DENND1A: variants seen among roughly 807,000 people sequenced by gnomAD.
The protein encoded by DENND1A is DENN domain-containing protein 1A.
A neutral mutation model predicts 113.7 loss-of-function variants in DENND1A; 51 were observed. The ratio of observed to expected loss-of-function variants is 0.45; its 90% CI spans 0.36 to 0.57. The LOEUF is 0.57. Ranked by LOEUF, DENND1A falls within the 20% of genes least tolerant of loss-of-function variation. The probability of loss-of-function intolerance (pLI) is 0.00; values close to 1 mark genes in which losing one functional copy is unlikely to be tolerated. For missense variants in DENND1A, 1,258 were observed against 1,395.9 expected, an observed-to-expected ratio of 0.90 and a Z score of 1.57; for synonymous variants, 565 against 570.8, an observed-to-expected ratio of 0.99 and a Z score of 0.14.
At chr9:123,681,599 G>A (rs965296028) in intron 5 of DENND1A, among the ~76,000 whole-genome samples, 1 of 152,154 alleles carries the variant, frequency 6.6e-6, no homozygotes. Context: ...TACAAATCCA[G>A]TTAGGGAAAG....
Position 123,381,786 on chromosome 9 carries a change from C to G in DENND1A, c.2859G>C (p.Met953Ile), listed in dbSNP as rs1221784601. 1.1e-5 allele frequency: 17 copies of G among 1,517,524 alleles called. No individual in the cohort carries two copies. Among genetic ancestry groups the G allele is most frequent in the African/African-American group, 1.4e-5 (1 of 71,716 alleles). 94.0% of individuals were successfully genotyped at this position (1,517,524 alleles called of 1,614,324 possible). Residue 953 changes from methionine (M) to isoleucine (I), a missense_variant, in exon 24 of 24, where the codon ATG (methionine) becomes ATC (isoleucine). This residue lies in a region of DENND1A where 1,159 missense variants were observed against 1,231.7 expected (regional missense o/e 0.94). Transcript: ENST00000394215. The surrounding 1 kb of genome is among the most constrained non-coding windows in gnomAD (Gnocchi z 4.7). ...TGGGCATCTGGCCAAAGAGGTTGGG[C>G]ATGGAGAGGGCGGAGAGGTTGGGCT... is the stretch of plus-strand genomic sequence containing the variant. Reference protein sequence around the residue: ...RSQPNLSALSMPNLFGQMPMG... With the variant: ...RSQPNLSALSIPNLFGQMPMG...
intron 5 of DENND1A, among the ~76,000 whole-genome samples, chr9:123,715,972 G>A (rs1446797156): frequency 6.6e-6 from 1 of 152,094 alleles, no homozygotes; most frequent in African/African-American, 2.4e-5. Flanking sequence ...CACCACACCC[G>A]GGTAGGCACT....
At chr9:123,463,563 T>C (rs867666428) in intron 13 of DENND1A, among the ~76,000 whole-genome samples, 12 of 152,210 alleles carry the variant, frequency 7.9e-5, no homozygotes, top group Non-Finnish European at 8.8e-5. Context: ...GAGATTCTTA[T>C]GAGAAATGGA....
At chr9:123,488,890 G>A in intron 13 of DENND1A, among the ~76,000 whole-genome samples, 1 of 152,186 alleles carries the variant, frequency 6.6e-6, no homozygotes, top group East Asian at 1.9e-4. Flanking sequence ...GGCCTGCCGA[G>A]CCACCCGGGA....
chr9:123,402,812 A>G (rs2043599217), intron 21 of DENND1A, among the ~76,000 whole-genome samples: 2 of 152,134 alleles, frequency 1.3e-5, no homozygotes, highest in Non-Finnish European at 2.9e-5. Context: ...TGCCCCCCTC[A>G]TTCACTTCAT....
chr9:123,911,662 C>T (rs12348266), intron 1 of DENND1A, among the ~76,000 whole-genome samples: 1 of 151,938 alleles, frequency 6.6e-6, no homozygotes, highest in Non-Finnish European at 1.5e-5. Context: ...GGCAAAATTG[C>T]TACAGTGACA....
At position 123,655,824 on chromosome 9, in the gene DENND1A, T is replaced by C. The variant is rs78246012; in HGVS notation, c.508-3701A>G. Among the ~76,000 whole-genome samples the C allele has an allele frequency of 3.6e-3, 554 of 152,322 alleles. 2 individuals are homozygous for C. The highest frequency in any genetic ancestry group is 5.5e-3 in the Non-Finnish European group (373 of 68,032). The stretch of plus-strand genomic sequence containing the variant: ...CAAGATAAGCCACTCTCCCAGCACT[T>C]TGCTTCTCCTGCAGACTAAATCCTC... On this transcript the variant is annotated intron_variant, in intron 8 of 23. Transcript: ENST00000394215.
chr9:123,712,000 G>A (rs2066668688), intron 5 of DENND1A, among the ~76,000 whole-genome samples: 1 of 152,280 alleles, frequency 6.6e-6, no homozygotes, highest in Non-Finnish European at 1.5e-5. Context: ...CTGATGCATG[G>A]AAATGCCTTA....
Position 123,454,778 on chromosome 9 carries a change from G to C in DENND1A, c.1188C>G (p.Gly396=). Reference sequence around the variant, plus strand: ...GCCACTGATGGTACAGTTTGTCACTGCCTGGGGAAAGAGAATTCAGAGAAG... The same window carrying C: ...GCCACTGATGGTACAGTTTGTCACTCCCTGGGGAAAGAGAATTCAGAGAAG... ...EEEINMGEYA[G]SDKLYHQWLS... is the part of the protein sequence containing the mutation. The change falls in exon 16 of 24, where the codon GGC becomes GGG. Residue 396 remains glycine, a splice_region_variant and synonymous_variant. Coordinates refer to ENST00000394215, the MANE Select transcript of DENND1A (RefSeq NM_001352964.2). 1 of 1,555,130 alleles carries C rather than the reference G, an allele frequency of 6.4e-7. No individual in the cohort carries two copies. Among genetic ancestry groups the C allele is most frequent in the South Asian group, 1.2e-5 (1 of 84,268 alleles).
chr9:123,421,239 G>A (rs777979752), intron 19 of DENND1A, among the ~76,000 whole-genome samples: 135 of 151,186 alleles, frequency 8.9e-4, no homozygotes, highest in Non-Finnish European at 1.1e-3. Context: ...ATCTACATGC[G>A]AGGTCTCTAT....
At chr9:123,847,387 A>C (rs1353245232) in intron 2 of DENND1A, among the ~76,000 whole-genome samples, 1 of 152,228 alleles carries the variant, frequency 6.6e-6, no homozygotes, top group African/African-American at 2.4e-5. Flanking sequence ...ATATATAAGA[A>C]GAAAACTCCA....
intron 2 of DENND1A, among the ~76,000 whole-genome samples, chr9:123,818,266 G>A (rs543726828): frequency 2.6e-5 from 4 of 151,388 alleles, no homozygotes; most frequent in Admixed American, 6.6e-5. Context: ...CACCACACCC[G>A]GCTAATTTTT....
intron 13 of DENND1A, among the ~76,000 whole-genome samples, chr9:123,522,612 T>G (rs1033082662): frequency 6.6e-6 from 1 of 152,190 alleles, no homozygotes; most frequent in African/African-American, 2.4e-5. Context: ...CCAATCAATG[T>G]CCATACTTCA....
At chr9:123,641,371 G>C (rs1223591481) in intron 9 of DENND1A, among the ~76,000 whole-genome samples, 5 of 148,846 alleles carry the variant, frequency 3.4e-5, no homozygotes, top group Non-Finnish European at 7.4e-5. Flanking sequence ...TTCATGACTT[G>C]ACCGCATTAC....
intron 1 of DENND1A, among the ~76,000 whole-genome samples, chr9:123,918,018 G>T (rs1343665835): frequency 1.3e-5 from 2 of 151,542 alleles, no homozygotes; most frequent in Non-Finnish European, 2.9e-5. Flanking sequence ...GAAGCCTGAG[G>T]CAGGAGAATA....
chr9:123,803,152 C>T (rs1834982398), intron 2 of DENND1A, among the ~76,000 whole-genome samples: 1 of 152,126 alleles, frequency 6.6e-6, no homozygotes, highest in South Asian at 2.1e-4. Context: ...TTGTTAAATC[C>T]AACTACCCGC....
intron 11 of DENND1A, among the ~76,000 whole-genome samples, chr9:123,606,954 T>C (rs1480224608): frequency 6.6e-6 from 1 of 151,946 alleles, no homozygotes; most frequent in East Asian, 1.9e-4. Flanking sequence ...ATGCAGAGGG[T>C]TGGGAATGTG....
In DENND1A at chr9:123,482,023, C is replaced by T. The variant is rs556062180; in HGVS notation, c.994-24126G>A. 1.2e-3 allele frequency among the ~76,000 whole-genome samples: 180 copies of T among 151,108 alleles called. 1 individual carries two copies. The highest frequency in any genetic ancestry group is 3.6e-3 in the South Asian group (17 of 4,784). ...TTGGCCATGTTGGTCAGGCTGGTCTCGAACTCCTGGCACCAAGTGATCCAC... is the reference window on the plus strand; with the variant it reads ...TTGGCCATGTTGGTCAGGCTGGTCTTGAACTCCTGGCACCAAGTGATCCAC... On this transcript the variant is annotated intron_variant, in intron 13 of 23. Transcript: ENST00000394215.
intron 5 of DENND1A, among the ~76,000 whole-genome samples, chr9:123,739,839 G>A (rs1490358006): frequency 6.7e-6 from 1 of 150,326 alleles, no homozygotes; most frequent in East Asian, 2.0e-4. Flanking sequence ...AATAAAATCT[G>A]ACAAAAAAGT....
Sources: allele counts gnomAD v4.1 joint callset (sites outside exome capture counted in the v4.1 genomes callset), GRCh38; gene constraint gnomAD v4.1.1; regional missense constraint gnomAD v4.1.1; non-coding constraint Gnocchi (gnomAD v3.1); transcripts MANE v1.5; gene names NCBI Gene and HGNC (gene_info 2026-07-23, HGNC 2026-07-21).